PLIN1: variants seen among roughly 807,000 people sequenced by gnomAD.
PLIN1 encodes the protein perilipin-1.
Under a neutral mutation model 45.8 loss-of-function variants are expected in PLIN1, and 37 were observed. That is an observed-to-expected ratio of 0.81 (90% CI 0.62 to 1.06). The LOEUF (loss-of-function observed/expected upper bound fraction) is 1.06. PLIN1 is among the 50% of genes least tolerant of loss of function. The pLI is 0.00. For synonymous variants in PLIN1, 340 were observed against 309.2 expected (o/e 1.10, Z -1.05); for missense variants, 776 against 716.5 (o/e 1.08, Z -0.95).
chr15:89,670,308 C>G, intron 4 of PLIN1, 64 bp from the exon 5 acceptor site: 2 of 1,546,578 alleles, frequency 1.3e-6, no homozygotes, highest in South Asian at 1.2e-5. Context: ...GCTGCCCTTC[C>G]GGGGTCTGGT....
In PLIN1 at chr15:89,667,598, T is replaced by A; in HGVS notation, c.963+4A>T. ...GACCTTGAGGCTCCCACTCTCCCCC[T>A]CACCTCACTGAACTTGTTCTCCTCA... On this transcript the variant is annotated splice_donor_region_variant and intron_variant, in intron 7 of 8. Coordinates refer to ENST00000300055, the MANE Select transcript of PLIN1 (RefSeq NM_002666.5). The A allele has an allele frequency of 6.2e-7, 1 of 1,614,126 alleles. No individual in the cohort carries two copies. Among genetic ancestry groups the A allele is most frequent in the Non-Finnish European group, 8.5e-7 (1 of 1,179,974 alleles).
At position 89,667,778 on chromosome 15, in the gene PLIN1, A is replaced by C. The variant is rs1337808394; in HGVS notation, c.787T>G (p.Trp263Gly). 2 of 1,558,844 alleles carry C rather than the reference A, an allele frequency of 1.3e-6. No homozygotes were observed. The highest frequency in any genetic ancestry group is 1.7e-6 in the Non-Finnish European group (2 of 1,151,716). The change falls in exon 7 of 9, where the codon TGG (tryptophan) becomes GGG (glycine). Residue 263 changes from tryptophan (W) to glycine (G), a missense_variant. By Grantham distance (184) the Trp-to-Gly change is radical. Coordinates refer to ENST00000300055, the MANE Select transcript of PLIN1 (RefSeq NM_002666.5). ...GVVPLSSLAQ[W>G]GASVAMQAVS... ...GCCTGCATGGCCACTGAGGCACCCC[A>C]CTGGGCCAGGCTGCTCTGAGGGAGG... is the stretch of plus-strand genomic sequence containing the variant.
chr15:89,674,325 T>C (rs1343702445), intron 2 of PLIN1, among the ~76,000 whole-genome samples: 1 of 152,212 alleles, frequency 6.6e-6, no homozygotes, highest in Non-Finnish European at 1.5e-5. Flanking sequence ...AGTGCCATCA[T>C]AGTTCACTGT....
At position 89,670,106 on chromosome 15, in the gene PLIN1, TG is replaced by T; in HGVS notation, c.471del (p.Arg158GlufsTer62). 1.2e-6 allele frequency: 2 copies of T among 1,614,212 alleles called. No individual in the cohort carries two copies. The highest frequency in any genetic ancestry group is 2.2e-5 in the South Asian group (2 of 91,076). On this transcript the variant is annotated frameshift_variant, in exon 5 of 9. Coordinates refer to ENST00000300055, the MANE Select transcript of PLIN1 (RefSeq NM_002666.5). LOFTEE classifies it high-confidence loss of function. ...TTGGCAGCAAATTCCGCAGTGTCTCTGGCCACCCCCCAGGCAAGCTCGCACC... is the reference window on the plus strand; with the variant it reads ...TTGGCAGCAAATTCCGCAGTGTCTCTGCCACCCCCCAGGCAAGCTCGCACC... The part of the protein sequence containing the change: ...LAGCELAWGV[A>X]RDTAEFAANT...
rs1964316374 is a variant in PLIN1 at position 89,665,427 on chromosome 15, TAAAAATAA to T, written c.*148_*155del. ...TGCTAAAAAAAAAATAAAAATAAAA[TAAAAATAA>T]AAAGTGCGCCTTGGCAGCATCATCA... On this transcript the variant is annotated 3_prime_UTR_variant, in exon 9 of 9. Coordinates refer to ENST00000300055, the MANE Select transcript of PLIN1 (RefSeq NM_002666.5). The T allele has an allele frequency of 2.0e-6, 1 of 512,786 alleles. No homozygotes were observed. The highest frequency in any genetic ancestry group is 4.0e-5 in the Admixed American group (1 of 25,060). 31.8% of individuals were successfully genotyped at this position (512,786 alleles called of 1,614,324 possible). A position where few individuals can be genotyped will look rare whatever the true frequency, so the allele number is the denominator to read the frequency against.
chr15:89,667,305 T>G, intron 7 of PLIN1, 124 bp from the exon 8 acceptor site: 1 of 1,302,590 alleles, frequency 7.7e-7, no homozygotes, highest in Non-Finnish European at 1.1e-6. Flanking sequence ...AGGCCTATTC[T>G]GCCACTAGCA....
At chr15:89,670,361 G>C (rs1964422537) in intron 4 of PLIN1, 117 bp from the exon 5 acceptor site, 1 of 1,042,920 alleles carries the variant, frequency 9.6e-7, no homozygotes, top group Non-Finnish European at 1.4e-6. Context: ...TAAAGGCCCA[G>C]GGAACTGGTA....
At chr15:89,667,480 G>T in intron 7 of PLIN1, 122 bp downstream of exon 7, 1 of 1,448,946 alleles carries the variant, frequency 6.9e-7, no homozygotes, top group Middle Eastern at 1.8e-4. Flanking sequence ...TGGGGTGAAG[G>T]GTGTTGCACG....
intron 4 of PLIN1, 76 bp from the exon 5 acceptor site, chr15:89,670,320 G>A: frequency 1.1e-5 from 16 of 1,482,190 alleles, no homozygotes; most frequent in Non-Finnish European, 1.3e-5. Flanking sequence ...GGGTCTGGTG[G>A]CCTGAGCCCA....
In PLIN1 at chr15:89,677,478, G is replaced by A. The variant is rs1249102767; in HGVS notation, c.12C>T (p.Asn4=). ...CTCCATCCAGCAAGGTGAGGCCTTT[G>A]TTGACTGCCATCCTCGCTCCTCAAG... MAV[N]KGLTLLDGDL... Residue 4 remains asparagine, a synonymous_variant, in exon 2 of 9, where the codon AAC becomes AAT. Transcript: ENST00000300055. The A allele has an allele frequency of 4.3e-6, 7 of 1,614,050 alleles. No homozygotes were observed. Among genetic ancestry groups the A allele is most frequent in the Non-Finnish European group, 5.1e-6 (6 of 1,179,960 alleles).
At chr15:89,669,071 C>T (rs1964395446) in intron 6 of PLIN1, among the ~76,000 whole-genome samples, 1 of 151,780 alleles carries the variant, frequency 6.6e-6, no homozygotes, top group Non-Finnish European at 1.5e-5. Context: ...GTACACTCTC[C>T]CTGACAAAAT....
chr15:89,672,015 G>C (rs1273517332), intron 3 of PLIN1, among the ~76,000 whole-genome samples: 2 of 152,236 alleles, frequency 1.3e-5, no homozygotes, highest in African/African-American at 4.8e-5. Flanking sequence ...CTCTGAGTGA[G>C]CATGAGGAGG....
chr15:89,666,772 C>T (rs1964347160), intron 8 of PLIN1, among the ~76,000 whole-genome samples, 164 bp downstream of exon 8: 1 of 152,178 alleles, frequency 6.6e-6, no homozygotes, highest in Non-Finnish European at 1.5e-5. Flanking sequence ...GGGAGAGGCC[C>T]AGTATGTTAA....
rs775280056 is a variant in PLIN1 at position 89,670,243 on chromosome 15, A to G, written c.335T>C (p.Ile112Thr). Residue 112 changes from isoleucine to threonine, a missense_variant and splice_region_variant, in exon 5 of 9, where the codon ATT (isoleucine) becomes ACT (threonine). Transcript: ENST00000300055. Reference protein sequence around the residue: ...IPALQYPPEKIASELKDTIST... With the variant: ...IPALQYPPEKTASELKDTIST... ...GATGGTGTCCTTCAGCTCAGAAGCA[A>G]TCTGGGGGAAGTTGGTGGGGGTGTT... 17 of 1,609,864 alleles carry G rather than the reference A, an allele frequency of 1.1e-5. No individual in the cohort carries two copies. The highest frequency in any genetic ancestry group is 1.4e-5 in the Non-Finnish European group (16 of 1,177,090).
chr15:89,665,195 T>C lies in PLIN1; in HGVS notation c.*388A>G, dbSNP rs557566303. On this transcript the variant is annotated 3_prime_UTR_variant, in exon 9 of 9. Coordinates refer to ENST00000300055, the MANE Select transcript of PLIN1 (RefSeq NM_002666.5). ...GGACCTTCAGAGTGGTGACAGGAGT[T>C]ACTCATTCGTGGCAAATATTTATCC... The C allele has an allele frequency of 4.4e-6, 1 of 226,076 alleles. No individual in the cohort carries two copies. The highest frequency in any genetic ancestry group is 5.6e-5 in the South Asian group (1 of 17,722). The allele number at this position is 226,076 out of a possible 1,614,324, so 14.0% of individuals were successfully genotyped here. A position where few individuals can be genotyped will look rare whatever the true frequency, so the allele number is the denominator to read the frequency against.
chr15:89,675,080 T>C (rs920106560), intron 2 of PLIN1, among the ~76,000 whole-genome samples: 1 of 152,040 alleles, frequency 6.6e-6, no homozygotes, highest in African/African-American at 2.4e-5. Context: ...CACGCCACTG[T>C]ACCACAGCCT....
rs538310738 is a variant in PLIN1 at position 89,676,410 on chromosome 15, G to A, written c.45+1035C>T. ...CTACAGGCGCCCGCCACCATACCCC[G>A]CTGATTTTTTGTATTTTTAGTAGAG... On this transcript the variant is annotated intron_variant, in intron 2 of 8. Coordinates refer to ENST00000300055, the MANE Select transcript of PLIN1 (RefSeq NM_002666.5). Among the ~76,000 whole-genome samples, 97 of 152,148 alleles carry A rather than the reference G, an allele frequency of 6.4e-4. 1 individual carries two copies. The highest frequency in any genetic ancestry group is 3.4e-3 in the Middle Eastern group (1 of 294).
chr15:89,673,474 TG>T, intron 2 of PLIN1, 60 bp from the exon 3 acceptor site: 1 of 1,403,548 alleles, frequency 7.1e-7, no homozygotes, highest in Non-Finnish European at 9.8e-7. Flanking sequence ...CCCGGGAAGC[TG>T]ACCCCGGGGT....
chr15:89,665,989 C>T, intron 8 of PLIN1, 47 bp from the exon 9 acceptor site: 3 of 1,364,174 alleles, frequency 2.2e-6, no homozygotes, highest in Non-Finnish European at 2.9e-6. Context: ...GCCCTGGGCC[C>T]TGCGCCTCTG....
Sources: gnomAD v4.1 joint callset for allele counts (sites outside exome capture counted in the v4.1 genomes callset) on GRCh38, gnomAD v4.1.1 for gene constraint, MANE v1.5 for transcripts, NCBI Gene and HGNC (gene_info 2026-07-23, HGNC 2026-07-21) for gene names.